The following CPA6 variants were observed in gnomAD, a reference collection of about 807,000 sequenced individuals.
CPA6 encodes carboxypeptidase A6.
CPA6 carries 58 observed loss-of-function variants against 63.3 expected under a neutral mutation model. The ratio of observed to expected loss-of-function variants is 0.92; its 90% CI spans 0.74 to 1.14. The LOEUF (loss-of-function observed/expected upper bound fraction) is 1.14, where lower values mean the gene tolerates loss of function less well. Ranked by LOEUF, CPA6 falls within the 50% of genes most tolerant of loss-of-function variation. The pLI, the probability that CPA6 is intolerant of heterozygous loss-of-function variation, is 0.00. For missense variants in CPA6, 565 were observed against 526.6 expected, an observed-to-expected ratio of 1.07 and a Z score of -0.71; for synonymous variants, 185 against 179.0, an observed-to-expected ratio of 1.03 and a Z score of -0.27.
rs897088240 is a variant in CPA6, at chr8:67,694,648, G to A, written c.116+51366C>T. Among the ~76,000 whole-genome samples, 9 of 152,188 alleles carry A rather than the reference G, an allele frequency of 5.9e-5. 1 individual carries two copies. Among genetic ancestry groups the A allele is most frequent in the Admixed American group, 3.3e-4 (5 of 15,286 alleles). On this transcript the variant is annotated intron_variant, in intron 1 of 10. Transcript: ENST00000297770. ...CTTCTCTCTGCCAGCCCGCACCTAT[G>A]GCCTCATGGGGAGTTCTCTAAAATC...
intron 8 of CPA6, among the ~76,000 whole-genome samples, chr8:67,443,542 G>T (rs1587430336): frequency 6.6e-6 from 1 of 152,006 alleles, no homozygotes; most frequent in African/African-American, 2.4e-5. Flanking sequence ...CTTTAAAGTG[G>T]ATAATTCAGT....
chr8:67,511,480 T>C, intron 4 of CPA6, 61 bp downstream of exon 4: 3 of 922,246 alleles, frequency 3.3e-6, no homozygotes, highest in Non-Finnish European at 5.4e-6. Flanking sequence ...TTTTCTCCCT[T>C]AGACCTAAAT....
chr8:67,645,898 G>A (rs1055490652), intron 1 of CPA6, among the ~76,000 whole-genome samples: 1 of 152,204 alleles, frequency 6.6e-6, no homozygotes, highest in Non-Finnish European at 1.5e-5. Context: ...CTTTCTTTGA[G>A]AAGATGGTAA....
At chr8:67,472,636 C>A (rs1587463819) in intron 8 of CPA6, among the ~76,000 whole-genome samples, 1 of 152,022 alleles carries the variant, frequency 6.6e-6, no homozygotes, top group Non-Finnish European at 1.5e-5. Context: ...TCATGTTGCC[C>A]AGGCTGGTCT....
At chr8:67,436,310 C>T (rs1810153062) in intron 8 of CPA6, among the ~76,000 whole-genome samples, 1 of 151,788 alleles carries the variant, frequency 6.6e-6, no homozygotes, top group Admixed American at 6.6e-5. Flanking sequence ...CCAGCTTCCC[C>T]AGGCTCCGGC....
chr8:67,738,777 C>T (rs1817861106), intron 1 of CPA6, among the ~76,000 whole-genome samples: 1 of 151,826 alleles, frequency 6.6e-6, no homozygotes, highest in African/African-American at 2.4e-5. Context: ...AGCACTGTAC[C>T]ATAAAGAAGC....
At chr8:67,616,060 G>A (rs1482970546) in intron 2 of CPA6, among the ~76,000 whole-genome samples, 3 of 152,180 alleles carry the variant, frequency 2.0e-5, no homozygotes, top group Non-Finnish European at 4.4e-5. Flanking sequence ...CAAAGAGTTT[G>A]AAGTCTATAC....
At chr8:67,623,996 C>CAAATA (rs1285737325) in intron 2 of CPA6, among the ~76,000 whole-genome samples, 180 bp downstream of exon 2, 16 of 151,800 alleles carry the variant, frequency 1.1e-4, no homozygotes, top group East Asian at 5.9e-4. Context: ...GACTTTGTCT[C>CAAATA]AAATAAAATA....
chr8:67,699,803 G>A (rs1335176787), intron 1 of CPA6, among the ~76,000 whole-genome samples: 1 of 151,964 alleles, frequency 6.6e-6, no homozygotes, highest in Admixed American at 6.6e-5. Context: ...TGGCCAGGCT[G>A]GTCTCAAACT....
In CPA6 at chr8:67,540,189, C is replaced by T. The variant is rs558587743; in HGVS notation, c.193-22142G>A. ...GTGACCTTTGGATGGTTTTTTTTTTCGTGGGTGTCCTTTTTCTTGATGTTG... is the reference window on the plus strand; with the variant it reads ...GTGACCTTTGGATGGTTTTTTTTTTTGTGGGTGTCCTTTTTCTTGATGTTG... On this transcript the variant is annotated intron_variant, in intron 2 of 10. Coordinates refer to ENST00000297770, the MANE Select transcript of CPA6 (RefSeq NM_020361.5). 1.4e-4 allele frequency among the ~76,000 whole-genome samples: 21 copies of T among 149,272 alleles called. No individual in the cohort carries two copies. In the South Asian group the frequency reaches 4.0e-3, roughly 29 times the overall value.
chr8:67,504,148 G>T (rs528472586), intron 6 of CPA6, among the ~76,000 whole-genome samples: 63 of 152,256 alleles, frequency 4.1e-4, no homozygotes, highest in African/African-American at 1.4e-3. Context: ...CATCAGTGTG[G>T]GGTTGCCTGA....
intron 8 of CPA6, among the ~76,000 whole-genome samples, chr8:67,479,787 G>A (rs953367099): frequency 1.3e-5 from 2 of 152,122 alleles, no homozygotes; most frequent in African/African-American, 4.8e-5. Flanking sequence ...TCCTCAGCTA[G>A]TATAGCTCTC....
chr8:67,538,754 G>C (rs1031507242), intron 2 of CPA6, among the ~76,000 whole-genome samples: 4 of 152,002 alleles, frequency 2.6e-5, no homozygotes, highest in African/African-American at 9.7e-5. Context: ...CCGCCTCTCA[G>C]GTTCATGCCA....
chr8:67,547,443 A>G (rs1049673349), intron 2 of CPA6, among the ~76,000 whole-genome samples: 1 of 152,160 alleles, frequency 6.6e-6, no homozygotes, highest in Non-Finnish European at 1.5e-5. Flanking sequence ...AAAGACTAAG[A>G]TAAACATAGT....
intron 8 of CPA6, among the ~76,000 whole-genome samples, chr8:67,475,876 TTTCTC>T (rs1563967981): frequency 0.012 from 962 of 77,288 alleles, 23 homozygotes; most frequent in East Asian, 0.017. Context: ...TCTTTCTTTC[TTTCTC>T]CTTTCTTTCT....
At chr8:67,613,064 T>C (rs998890707) in intron 2 of CPA6, among the ~76,000 whole-genome samples, 1 of 152,198 alleles carries the variant, frequency 6.6e-6, no homozygotes, top group Non-Finnish European at 1.5e-5. Context: ...ATCTCAAAGA[T>C]AGTTCTCTAA....
intron 2 of CPA6, among the ~76,000 whole-genome samples, chr8:67,549,071 C>G (rs1299458300): frequency 6.6e-6 from 1 of 151,892 alleles, no homozygotes; most frequent in Admixed American, 6.6e-5. Flanking sequence ...TTTGAAAAAG[C>G]AAAAGAAAAT....
At chr8:67,564,340 G>T (rs1356668572) in intron 2 of CPA6, among the ~76,000 whole-genome samples, 2 of 151,814 alleles carry the variant, frequency 1.3e-5, no homozygotes, top group African/African-American at 4.8e-5. Context: ...TGTTTGTTTG[G>T]GGTTTCTTTT....
intron 2 of CPA6, among the ~76,000 whole-genome samples, chr8:67,526,121 C>G (rs11997783): frequency 0.03 from 4,632 of 152,174 alleles, 238 homozygotes; most frequent in African/African-American, 0.1. Context: ...GACTTAGAAA[C>G]GACTTATTAT....
Sources: gnomAD v4.1 joint callset for allele counts (sites outside exome capture counted in the v4.1 genomes callset) on GRCh38, gnomAD v4.1.1 for gene constraint, MANE v1.5 for transcripts, NCBI Gene and HGNC (gene_info 2026-07-23, HGNC 2026-07-21) for gene names.